CARM1: variants seen among roughly 807,000 people sequenced by gnomAD.
The protein encoded by CARM1 is histone-arginine methyltransferase CARM1.
Under a neutral mutation model 72.7 loss-of-function variants are expected in CARM1, and 14 were observed. The ratio of observed to expected loss-of-function variants is 0.19; its 90% CI spans 0.13 to 0.30. The LOEUF (loss-of-function observed/expected upper bound fraction) is 0.30, where lower values mean the gene tolerates loss of function less well. Among genes scored for constraint, CARM1 ranks in the 10% least tolerant of loss-of-function variants. The pLI, the probability that CARM1 is intolerant of heterozygous loss-of-function variation, is 1.00. For missense variants in CARM1, 432 were observed against 833.7 expected, an observed-to-expected ratio of 0.52 and a Z score of 5.93; for synonymous variants, 333 against 345.5, an observed-to-expected ratio of 0.96 and a Z score of 0.40.
chr19:10,905,700 C>T (rs1390361117), intron 2 of CARM1, among the ~76,000 whole-genome samples: 3 of 152,114 alleles, frequency 2.0e-5, no homozygotes, highest in Non-Finnish European at 4.4e-5. Context: ...GGCTGCGTGC[C>T]CATGAGCCAC....
At chr19:10,921,247 C>T in intron 14 of CARM1, 120 bp downstream of exon 14, 1 of 1,430,190 alleles carries the variant, frequency 7.0e-7, no homozygotes, top group East Asian at 2.3e-5. Flanking sequence ...TTTCCTCTTC[C>T]TGGGGGCTCT....
chr19:10,901,896 C>T (rs1354738319), intron 1 of CARM1, among the ~76,000 whole-genome samples: 1 of 151,868 alleles, frequency 6.6e-6, no homozygotes, highest in Non-Finnish European at 1.5e-5. Flanking sequence ...TTGCAGTGAG[C>T]CAAGATAGTG....
intron 6 of CARM1, 54 bp downstream of exon 6, chr19:10,914,108 GCTGAGCCAGGC>G: frequency 6.7e-7 from 1 of 1,500,830 alleles, no homozygotes; most frequent in South Asian, 1.2e-5. Flanking sequence ...CCTGGCTGCC[GCTGAGCCAGGC>G]CATCAGTGCT....
At chr19:10,906,961 C>T (rs2074110281) in intron 2 of CARM1, among the ~76,000 whole-genome samples, 1 of 146,856 alleles carries the variant, frequency 6.8e-6, no homozygotes, top group Admixed American at 6.9e-5. Context: ...GGCTGGAGTG[C>T]AGTCACACAA....
chr19:10,897,989 C>A (rs2074036287), intron 1 of CARM1, among the ~76,000 whole-genome samples: 1 of 152,126 alleles, frequency 6.6e-6, no homozygotes, highest in South Asian at 2.1e-4. Context: ...CGCCTGTAGT[C>A]CCAGCTACTC....
chr19:10,881,677 A>G (rs962275316), intron 1 of CARM1, among the ~76,000 whole-genome samples: 10 of 151,328 alleles, frequency 6.6e-5, no homozygotes, highest in Admixed American at 2.6e-4. Context: ...AGCTGCAGAG[A>G]GAGCAGGGGG....
intron 1 of CARM1, among the ~76,000 whole-genome samples, chr19:10,891,472 C>G (rs1287036754): frequency 2.0e-5 from 3 of 152,078 alleles, no homozygotes; most frequent in African/African-American, 4.8e-5. Context: ...CACTGAGGGC[C>G]GTGGGGTGGG....
rs1186100976 is a variant in CARM1 at position 10,920,859 on chromosome 19, C to T, written c.1450C>T (p.Pro484Ser). The change falls in exon 13 of 16, where the codon CCA (proline) becomes TCA (serine). Residue 484 changes from proline (P) to serine (S), a missense_variant. Physicochemically the swap from Pro to Ser is moderately conservative, Grantham distance 74. Transcript: ENST00000327064. The surrounding 1 kb of genome is among the most constrained non-coding windows in gnomAD (Gnocchi z 5.3). ...ATACACGGGCACAACGCCCTCACCC[C>T]CACCCGGCTCCCACTACACATCTCC... ...FRYTGTTPSP[P>S]PGSHYTSPSE... is the part of the protein sequence containing the mutation. The T allele has an allele frequency of 6.2e-7, 1 of 1,614,238 alleles. No individual in the cohort carries two copies. Among genetic ancestry groups the T allele is most frequent in the Non-Finnish European group, 8.5e-7 (1 of 1,180,026 alleles).
rs1230594954 is a variant in CARM1 at position 10,915,098 on chromosome 19, ACT to A, written c.847+1048_847+1049del. ...AGGCAGGGGCAGGGGGGAAGCTTCC[ACT>A]CTCATCTCTGGCCCGCCCTGGATCC... is the stretch of plus-strand genomic sequence containing the variant. On this transcript the variant is annotated intron_variant, in intron 6 of 15. Coordinates refer to ENST00000327064, the MANE Select transcript of CARM1 (RefSeq NM_199141.2). This position sits in a 1 kb window ranked among gnomAD's most constrained non-coding sequence, Gnocchi z 4.6. 2.0e-5 allele frequency among the ~76,000 whole-genome samples: 3 copies of A among 151,474 alleles called. No homozygotes were observed. The highest frequency in any genetic ancestry group is 4.4e-5 in the Non-Finnish European group (3 of 67,802).
At chr19:10,904,922 C>T (rs749353954) in intron 1 of CARM1, 29 bp from the exon 2 acceptor site, 72 of 1,611,736 alleles carry the variant, frequency 4.5e-5, no homozygotes, top group African/African-American at 1.9e-4. Context: ...AGGGCTGCAC[C>T]GCTCACGCCA....
At chr19:10,894,716 G>GTT (rs71164131) in intron 1 of CARM1, among the ~76,000 whole-genome samples, 27 of 135,936 alleles carry the variant, frequency 2.0e-4, no homozygotes, top group Admixed American at 3.0e-4. Context: ...ACCTCCTTGT[G>GTT]TTTTTTTTTT....
intron 1 of CARM1, among the ~76,000 whole-genome samples, chr19:10,875,631 A>G (rs1267253703): frequency 1.3e-5 from 2 of 151,974 alleles, no homozygotes; most frequent in South Asian, 2.1e-4. Context: ...TCACCGTGTT[A>G]GCCAGGATGG....
At position 10,899,990 on chromosome 19, in the gene CARM1, C is replaced by T. The variant is rs371911952; in HGVS notation, c.221-4961C>T. 3.9e-4 allele frequency among the ~76,000 whole-genome samples: 60 copies of T among 152,226 alleles called. 3 individuals are homozygous for T. In the South Asian group the frequency reaches 0.012, roughly 30 times the overall value. ...CCCACCTCCCAAAGTGCTGGAATTA[C>T]AGGCGTGAGCCACCACGCCTGGCCC... On this transcript the variant is annotated intron_variant, in intron 1 of 15. Transcript: ENST00000327064.
chr19:10,893,632 C>G (rs1457407770), intron 1 of CARM1, among the ~76,000 whole-genome samples: 1 of 152,256 alleles, frequency 6.6e-6, no homozygotes, highest in Non-Finnish European at 1.5e-5. Flanking sequence ...GCCACCGCCC[C>G]CTGTCATTGT....
intron 1 of CARM1, among the ~76,000 whole-genome samples, chr19:10,886,044 C>T (rs1358643072): frequency 2.0e-5 from 3 of 148,474 alleles, no homozygotes; most frequent in East Asian, 2.0e-4. Context: ...TAATTTTTTT[C>T]TTTCTTTCTT....
intron 1 of CARM1, among the ~76,000 whole-genome samples, chr19:10,881,337 G>A (rs1643240366): frequency 6.6e-6 from 1 of 152,216 alleles, no homozygotes; most frequent in Non-Finnish European, 1.5e-5. Flanking sequence ...ATTTCGGTCA[G>A]CTTCTCAGAA....
Position 10,916,373 on chromosome 19 carries a change from C to T in CARM1, c.848-34C>T. The T allele has an allele frequency of 2.1e-6, 3 of 1,462,964 alleles. No homozygotes were observed. The highest frequency in any genetic ancestry group is 2.9e-6 in the Non-Finnish European group (3 of 1,044,126). 90.6% of individuals were successfully genotyped at this position (1,462,964 alleles called of 1,614,324 possible). On this transcript the variant is annotated intron_variant, in intron 6 of 15. Transcript: ENST00000327064. The surrounding 1 kb of genome is among the most constrained non-coding windows in gnomAD (Gnocchi z 4.4). ...TGCCAGGCAGTGTGGGATGTGTCAC[C>T]TGACGCCAGCACCCCTCCCTGCCCC...
chr19:10,886,214 G>A (rs377313513), intron 1 of CARM1, among the ~76,000 whole-genome samples: 1 of 151,876 alleles, frequency 6.6e-6, no homozygotes, highest in Non-Finnish European at 1.5e-5. Context: ...GCGCCACCAC[G>A]CCCGGCTAAT....
chr19:10,913,557 T>G (rs988922359), intron 5 of CARM1, among the ~76,000 whole-genome samples: 47 of 143,596 alleles, frequency 3.3e-4, no homozygotes, highest in East Asian at 6.0e-4. Context: ...AAAAAAATAG[T>G]TTTTTTTTTT....
Sources: gnomAD v4.1 joint callset for allele counts (sites outside exome capture counted in the v4.1 genomes callset) on GRCh38, gnomAD v4.1.1 for gene constraint, Gnocchi (gnomAD v3.1) non-coding constraint, MANE v1.5 for transcripts, NCBI Gene and HGNC (gene_info 2026-07-23, HGNC 2026-07-21) for gene names.